Variants in SIRPB2 observed in about 807,000 individuals in gnomAD.
The protein encoded by SIRPB2 is signal-regulatory protein beta-2.
A neutral mutation model predicts 27.1 loss-of-function variants in SIRPB2; 18 were observed. The observed-to-expected ratio is 0.66, with a 90% CI of 0.46 to 0.98. SIRPB2 has a LOEUF of 0.98. Ranked by LOEUF, SIRPB2 falls within the 50% of genes least tolerant of loss-of-function variation. SIRPB2 has a pLI of 0.00. For missense variants in SIRPB2, 420 were observed against 417.4 expected, an observed-to-expected ratio of 1.01 and a Z score of -0.06; for synonymous variants, 150 against 164.6, an observed-to-expected ratio of 0.91 and a Z score of 0.68.
chr20:1,472,651 A>G (rs2090584325), downstream of SIRPB2: 1 of 152,160 alleles, frequency 6.6e-6, no homozygotes, highest in Admixed American at 6.5e-5. Flanking sequence ...AAAACTACCT[A>G]ATAAGGGAGA....
At chr20:1,480,671 G>A (rs113427216) in intron 1 of SIRPB2, among the ~76,000 whole-genome samples, 73 of 152,248 alleles carry the variant, frequency 4.8e-4, no homozygotes, top group African/African-American at 1.6e-3. Context: ...GAGGAGAGGC[G>A]CCTCAGACAA....
chr20:1,486,573 C>T (rs77025244), intron 1 of SIRPB2, among the ~76,000 whole-genome samples: 1,585 of 151,976 alleles, frequency 0.01, 29 homozygotes, highest in African/African-American at 0.035. Flanking sequence ...TTTAGTAAAC[C>T]GAATTCAGCA....
intron 1 of SIRPB2, among the ~76,000 whole-genome samples, chr20:1,484,548 A>G (rs1463011749): frequency 6.6e-6 from 1 of 152,182 alleles, no homozygotes; most frequent in Non-Finnish European, 1.5e-5. Flanking sequence ...GACATGAATC[A>G]ACATCTCTCA....
At chr20:1,476,981 A>G (rs1056846110) in intron 4 of SIRPB2, 3 of 1,229,944 alleles carry the variant, frequency 2.4e-6, no homozygotes, top group Non-Finnish European at 3.1e-6. Flanking sequence ...TGCCCATTAC[A>G]CTAGGAAGGG....
intron 3 of SIRPB2, chr20:1,478,019 C>A: frequency 1.6e-6 from 1 of 637,780 alleles, no homozygotes; most frequent in Non-Finnish European, 2.9e-6. Context: ...TCTGTGGAAA[C>A]CAGAATGGGG....
chr20:1,482,072 T>A (rs73071129), intron 1 of SIRPB2, among the ~76,000 whole-genome samples: 30,218 of 151,156 alleles, frequency 0.2, 4,056 homozygotes, highest in East Asian at 0.74. Flanking sequence ...AAACTGATTT[T>A]AAAAAAAAAT....
chr20:1,485,650 ACAC>A (rs780180031), intron 1 of SIRPB2, among the ~76,000 whole-genome samples: 1 of 140,202 alleles, frequency 7.1e-6, no homozygotes, highest in African/African-American at 2.9e-5. Flanking sequence ...ACACACACAC[ACAC>A]CACACACACA....
downstream of SIRPB2, among the ~76,000 whole-genome samples, chr20:1,472,336 A>C (rs1039265685): frequency 7.2e-5 from 11 of 152,170 alleles, no homozygotes; most frequent in African/African-American, 2.7e-4. Context: ...TGTCTTCTTT[A>C]GTGGACTTGC....
chr20:1,488,943 A>G (rs1181446376), intron 1 of SIRPB2, among the ~76,000 whole-genome samples: 1 of 152,220 alleles, frequency 6.6e-6, no homozygotes, highest in Admixed American at 6.5e-5. Flanking sequence ...TTTATTTATA[A>G]TAGCCCTAAA....
intron 4 of SIRPB2, chr20:1,476,642 A>G (rs895923833): frequency 1.2e-6 from 1 of 841,196 alleles, no homozygotes; most frequent in African/African-American, 1.8e-5. Flanking sequence ...CAATTTTTAT[A>G]GATAAGGAGA....
intron 3 of SIRPB2, 72 bp downstream of exon 3, chr20:1,478,194 C>G: frequency 1.4e-6 from 2 of 1,403,998 alleles, no homozygotes; most frequent in South Asian, 2.4e-5. Flanking sequence ...CTGGCTTGTT[C>G]GGGACATGTA....
chr20:1,481,135 T>C (rs1380517674), intron 1 of SIRPB2, among the ~76,000 whole-genome samples: 1 of 152,194 alleles, frequency 6.6e-6, no homozygotes, highest in Non-Finnish European at 1.5e-5. Context: ...AGGTAGATGC[T>C]GTTATAATCT....
chr20:1,476,362 G>A, intron 4 of SIRPB2, 26 bp from the exon 5 acceptor site: 1 of 1,597,708 alleles, frequency 6.3e-7, no homozygotes, highest in South Asian at 1.1e-5. Context: ...GAGAGCTCAG[G>A]CGGGACCCGT....
rs1044777807 is a variant in SIRPB2 at position 1,477,347 on chromosome 20, A to T, written c.850T>A (p.Ser284Thr). ...EFTSEPATEM[S>T]PTGLLVVFAP... ...AGGTGGGTACGCTCACCTGTTGGAG[A>T]CATCTCAGTTGCAGGTTCACTGGTG... Residue 284 changes from serine (S) to threonine (T), a missense_variant, in exon 4 of 5, where the codon TCT becomes ACT. Physicochemically the swap from Ser to Thr is moderately conservative, Grantham distance 58. Coordinates refer to ENST00000359801, the MANE Select transcript of SIRPB2 (RefSeq NM_001122962.2). 1.2e-6 allele frequency: 2 copies of T among 1,614,072 alleles called. No homozygotes were observed. Among genetic ancestry groups the T allele is most frequent in the Non-Finnish European group, 1.7e-6 (2 of 1,180,030 alleles).
Position 1,475,674 on chromosome 20 carries a change from C to T in SIRPB2, c.*493G>A, listed in dbSNP as rs1396284510. On this transcript the variant is annotated 3_prime_UTR_variant, in exon 5 of 5. Coordinates refer to ENST00000359801, the MANE Select transcript of SIRPB2 (RefSeq NM_001122962.2). ...AGCTTTGTTATAGTTGCTGAACCTG[C>T]ATTCTAATATTATACCTGCCCAAGC... 6.4e-6 allele frequency: 1 copy of T among 155,206 alleles called. No individual in the cohort carries two copies. The highest frequency in any genetic ancestry group is 1.4e-5 in the Non-Finnish European group (1 of 70,292). 9.6% of individuals were successfully genotyped at this position (155,206 alleles called of 1,614,324 possible).
intron 2 of SIRPB2, 34 bp from the exon 3 acceptor site, chr20:1,478,641 C>T: frequency 6.7e-7 from 1 of 1,486,578 alleles, no homozygotes; most frequent in Non-Finnish European, 9.1e-7. Context: ...GTTGAATTCC[C>T]TCTCCTCTTC....
Position 1,474,740 on chromosome 20 carries a change from T to A in SIRPB2, c.*1427A>T, listed in dbSNP as rs2090593875. On this transcript the variant is annotated 3_prime_UTR_variant, in exon 5 of 5. Coordinates refer to ENST00000359801, the MANE Select transcript of SIRPB2 (RefSeq NM_001122962.2). ...GGTGCACACCACCACGCCTGGCTAA[T>A]TTTTTGTATTTTTAGTAGAGACGAG... 6.6e-6 allele frequency: 1 copy of A among 152,112 alleles called. No individual in the cohort carries two copies. The highest frequency in any genetic ancestry group is 1.5e-5 in the Non-Finnish European group (1 of 68,042). 9.4% of individuals were successfully genotyped at this position (152,112 alleles called of 1,614,324 possible).
In SIRPB2 at chr20:1,491,344, A is replaced by G; in HGVS notation, c.16T>C (p.Ser6Pro). MCSTM[S>P]APTCLAHLPP... ...AAGTGGGCCAGGCAGGTGGGGGCCG[A>G]CATCGTGGAGCACATGGCATCTTCT... The change falls in exon 1 of 5, where the codon TCG becomes CCG. Residue 6 changes from serine to proline, a missense_variant. Ser to Pro is a moderately conservative substitution (Grantham distance 74). Transcript: ENST00000359801. 1 of 1,610,096 alleles carries G rather than the reference A, an allele frequency of 6.2e-7. No individual in the cohort carries two copies.
At chr20:1,486,716 A>T (rs2090730442) in intron 1 of SIRPB2, among the ~76,000 whole-genome samples, 1 of 152,228 alleles carries the variant, frequency 6.6e-6, no homozygotes, top group African/African-American at 2.4e-5. Flanking sequence ...ACACACACGC[A>T]TATACATGCA....
Sources: allele counts gnomAD v4.1 joint callset (sites outside exome capture counted in the v4.1 genomes callset), GRCh38; gene constraint gnomAD v4.1.1; transcripts MANE v1.5; gene names NCBI Gene and HGNC (gene_info 2026-07-23, HGNC 2026-07-21).